The following DYNC2H1 variants were observed in gnomAD, a reference collection of about 807,000 sequenced individuals.
DYNC2H1 encodes dynein cytoplasmic 2 heavy chain 1, also known as cytoplasmic dynein 2 heavy chain 1.
DYNC2H1 carries 410 observed loss-of-function variants against 570.0 expected under a neutral mutation model. The observed-to-expected ratio is 0.72, with a 90% CI of 0.66 to 0.78. The LOEUF (loss-of-function observed/expected upper bound fraction) is 0.78. Among genes scored for constraint, DYNC2H1 ranks in the 30% least tolerant of loss-of-function variants. The pLI is 0.00. For synonymous variants in DYNC2H1, 1,688 were observed against 1,677.6 expected, an observed-to-expected ratio of 1.01 and a Z score of -0.15; for missense variants, 4,865 against 5,046.4, an observed-to-expected ratio of 0.96 and a Z score of 1.09.
rs1479837205 is a variant in DYNC2H1, at chr11:103,199,962, C to T, written c.8089-84C>T. On this transcript the variant is annotated intron_variant, in intron 49 of 88. Coordinates refer to ENST00000375735, the MANE Select transcript of DYNC2H1 (RefSeq NM_001377.3). The surrounding 1 kb of genome is among the most constrained non-coding windows in gnomAD (Gnocchi z 4.6). Reference sequence around the variant, plus strand: ...TAAATAAACACATGATACTGGCATACTTTACATACAAATACAAAATGTTAA... The same window carrying T: ...TAAATAAACACATGATACTGGCATATTTTACATACAAATACAAAATGTTAA... 9.3e-6 allele frequency: 8 copies of T among 864,044 alleles called. No homozygotes were observed. The highest frequency in any genetic ancestry group is 1.5e-5 in the Non-Finnish European group (8 of 539,286). The allele number at this position is 864,044 out of a possible 1,614,324, so 53.5% of individuals were successfully genotyped here.
intron 31 of DYNC2H1, among the ~76,000 whole-genome samples, chr11:103,166,818 G>A (rs1281441306): frequency 6.6e-6 from 1 of 151,544 alleles, no homozygotes; most frequent in Non-Finnish European, 1.5e-5. Context: ...ATTCTCTTTG[G>A]GGTTGTCTCA....
chr11:103,316,498 T>G, intron 79 of DYNC2H1, 47 bp from the exon 80 acceptor site: 1 of 1,327,658 alleles, frequency 7.5e-7, no homozygotes. Flanking sequence ...CATATATATC[T>G]TTGACTACTG....
Position 103,343,296 on chromosome 11 carries a change from C to T in DYNC2H1, c.12040-14947C>T, listed in dbSNP as rs558874016. 3.3e-5 allele frequency among the ~76,000 whole-genome samples: 5 copies of T among 152,316 alleles called. No individual in the cohort carries two copies. The East Asian group carries it at 5.8e-4, about 18-fold the overall frequency. ...ATCCTGTATATCCTGACCCTTGCCT[C>T]ATGGGTCCTAACGCCTGTCAGACAA... On this transcript the variant is annotated intron_variant, in intron 82 of 88. Coordinates refer to ENST00000375735, the MANE Select transcript of DYNC2H1 (RefSeq NM_001377.3).
chr11:103,286,449 C>G, intron 74 of DYNC2H1, 63 bp downstream of exon 74: 1 of 1,560,594 alleles, frequency 6.4e-7, no homozygotes, highest in Non-Finnish European at 8.7e-7. Flanking sequence ...ATTCAGAAGC[C>G]ATTTAAAGGA....
intron 2 of DYNC2H1, among the ~76,000 whole-genome samples, 171 bp from the exon 3 acceptor site, chr11:103,113,932 C>A (rs1389489280): frequency 1.3e-5 from 2 of 152,116 alleles, no homozygotes; most frequent in Non-Finnish European, 2.9e-5. Context: ...AACATTTCTA[C>A]ATTAAATGCT....
chr11:103,424,599 A>G (rs1389496364), intron 84 of DYNC2H1, among the ~76,000 whole-genome samples: 1 of 152,136 alleles, frequency 6.6e-6, no homozygotes, highest in Non-Finnish European at 1.5e-5. Context: ...TGTTATATCC[A>G]TAAAATTGGA....
Position 103,174,174 on chromosome 11 carries a change from T to G in DYNC2H1, c.5674+4T>G. On this transcript the variant is annotated splice_donor_region_variant and intron_variant, in intron 36 of 88. Coordinates refer to ENST00000375735, the MANE Select transcript of DYNC2H1 (RefSeq NM_001377.3). ...AAAAGTGGCACTACACAGAATGGTA[T>G]GATTGATTATTCCAAATACATTAAC... is the stretch of plus-strand genomic sequence containing the variant. The G allele has an allele frequency of 3.9e-6, 6 of 1,545,088 alleles. No homozygotes were observed. Among genetic ancestry groups the G allele is most frequent in the Non-Finnish European group, 5.3e-6 (6 of 1,138,294 alleles).
chr11:103,380,920 C>T (rs773786339), intron 83 of DYNC2H1, among the ~76,000 whole-genome samples: 1 of 152,142 alleles, frequency 6.6e-6, no homozygotes, highest in Non-Finnish European at 1.5e-5. Context: ...GAAATACCTG[C>T]CATGTTTGTT....
Position 103,120,445 on chromosome 11 carries a change from A to G in DYNC2H1, c.1000-2A>G. 4 of 1,602,600 alleles carry G rather than the reference A, an allele frequency of 2.5e-6. No individual in the cohort carries two copies. The highest frequency in any genetic ancestry group is 3.4e-6 in the Non-Finnish European group (4 of 1,173,864). On this transcript the variant is annotated splice_acceptor_variant, in intron 6 of 88. Transcript: ENST00000375735. LOFTEE classifies it high-confidence loss of function. ...TTCTGTTGTTTTAATACTTCATTTT[A>G]GGTCTTGGCTATTAGAACAATTCAT...
intron 59 of DYNC2H1, among the ~76,000 whole-genome samples, chr11:103,230,619 T>A (rs1276754325): frequency 1.3e-5 from 2 of 152,224 alleles, no homozygotes; most frequent in Non-Finnish European, 2.9e-5. Context: ...TATTGTTACC[T>A]TCATAAGTAT....
intron 85 of DYNC2H1, among the ~76,000 whole-genome samples, chr11:103,448,210 G>T (rs1459277003): frequency 6.6e-6 from 1 of 152,136 alleles, no homozygotes; most frequent in Non-Finnish European, 1.5e-5. Flanking sequence ...GGTTGGGGAG[G>T]AGCTTACTAC....
chr11:103,153,667 G>T (rs1278793218), intron 22 of DYNC2H1, among the ~76,000 whole-genome samples, 159 bp downstream of exon 22: 1 of 151,824 alleles, frequency 6.6e-6, no homozygotes, highest in African/African-American at 2.4e-5. Context: ...GTTGTCTTAG[G>T]AGTCATAGTT....
intron 18 of DYNC2H1, among the ~76,000 whole-genome samples, chr11:103,144,886 ATT>A: frequency 6.9e-6 from 1 of 145,094 alleles, no homozygotes; most frequent in African/African-American, 2.5e-5. Context: ...ATAATTAGTT[ATT>A]TTTTTTTTTT....
At chr11:103,400,011 G>A (rs1008830469) in intron 84 of DYNC2H1, 139 bp downstream of exon 84, 3 of 684,702 alleles carry the variant, frequency 4.4e-6, no homozygotes, top group Admixed American at 3.1e-5. Flanking sequence ...AAAATTAATT[G>A]ACTGATGTAA....
intron 82 of DYNC2H1, among the ~76,000 whole-genome samples, chr11:103,344,578 A>G (rs1452615592): frequency 6.6e-6 from 1 of 152,028 alleles, no homozygotes; most frequent in Non-Finnish European, 1.5e-5. Flanking sequence ...GGCTTAGTCT[A>G]TTACTCCCTT....
chr11:103,223,013 A>G lies in DYNC2H1; in HGVS notation c.9280A>G (p.Lys3094Glu). 1.2e-6 allele frequency: 2 copies of G among 1,613,528 alleles called. No individual in the cohort carries two copies. Among genetic ancestry groups the G allele is most frequent in the Non-Finnish European group, 1.7e-6 (2 of 1,179,600 alleles). The change falls in exon 59 of 89, where the codon AAA (lysine) becomes GAA (glutamate). Residue 3094 changes from lysine to glutamate, a missense_variant. Transcript: ENST00000375735. ...TAAAPLAAWV[K>E]ANIQYSHVLE... ...AGCTGCACCTTTGGCTGCCTGGGTGAAAGCCAATATTCAGTATTCCCATGT... is the reference window on the plus strand; with the variant it reads ...AGCTGCACCTTTGGCTGCCTGGGTGGAAGCCAATATTCAGTATTCCCATGT...
chr11:103,365,903 G>A (rs903503709), intron 83 of DYNC2H1, among the ~76,000 whole-genome samples: 3 of 152,184 alleles, frequency 2.0e-5, no homozygotes, highest in Admixed American at 6.5e-5. Flanking sequence ...TTTAATAGAC[G>A]CAGATAAGAA....
chr11:103,126,927 C>T (rs888901797), intron 12 of DYNC2H1, among the ~76,000 whole-genome samples: 3 of 152,134 alleles, frequency 2.0e-5, no homozygotes, highest in East Asian at 3.9e-4. Flanking sequence ...CGTGAGCCAC[C>T]GCAGCCGGCC....
chr11:103,456,651 G>A lies in DYNC2H1; in HGVS notation c.12648+295G>A, dbSNP rs535257904. Among the ~76,000 whole-genome samples, 80 of 152,124 alleles carry A rather than the reference G, an allele frequency of 5.3e-4. 1 individual carries two copies. In the South Asian group the frequency reaches 9.8e-3, roughly 19 times the overall value. On this transcript the variant is annotated intron_variant, in intron 87 of 88. Coordinates refer to ENST00000375735, the MANE Select transcript of DYNC2H1 (RefSeq NM_001377.3). ...CTTTTACCTTACCTGTTCTAAAATT[G>A]AACCTAATATTTACTGTACAATAAA...
Sources: gnomAD v4.1 joint callset for allele counts (sites outside exome capture counted in the v4.1 genomes callset) on GRCh38, gnomAD v4.1.1 for gene constraint, Gnocchi (gnomAD v3.1) non-coding constraint, MANE v1.5 for transcripts, NCBI Gene and HGNC (gene_info 2026-07-23, HGNC 2026-07-21) for gene names.